The following ALKBH5 variants were observed in gnomAD, a reference collection of about 807,000 sequenced individuals.
The protein encoded by ALKBH5 is RNA demethylase ALKBH5.
In ALKBH5, 2 loss-of-function variants were observed where a neutral mutation model predicts 32.1. The observed-to-expected ratio is 0.06, with a 90% CI of 0.03 to 0.20. The LOEUF (loss-of-function observed/expected upper bound fraction) is 0.20, where lower values mean the gene tolerates loss of function less well. Among genes scored for constraint, ALKBH5 ranks in the 10% least tolerant of loss-of-function variants. The pLI is 1.00. For missense variants in ALKBH5, 352 were observed against 559.5 expected (o/e 0.63, Z 3.74); for synonymous variants, 300 against 231.7 (o/e 1.29, Z -2.68).
Position 18,195,042 on chromosome 17 carries a change from G to A in ALKBH5, c.851+7G>A. The A allele has an allele frequency of 6.2e-7, 1 of 1,612,220 alleles. No individual in the cohort carries two copies. Among genetic ancestry groups the A allele is most frequent in the Middle Eastern group, 1.8e-4 (1 of 5,462 alleles). ...CAGTCATCATCCTCAGGAAGTAAGT[G>A]CCTTGATGTCTGACCTTCTGCCTCA... On this transcript the variant is annotated splice_region_variant and intron_variant, in intron 2 of 3. Transcript: ENST00000399138.
At position 18,184,150 on chromosome 17, in the gene ALKBH5, C is replaced by T. The variant is rs1410400908; in HGVS notation, c.-94C>T. On this transcript the variant is annotated 5_prime_UTR_variant, in exon 1 of 4. Transcript: ENST00000399138. The stretch of plus-strand genomic sequence containing the variant: ...CATGGGGGTTCGGCGCTAAGGACCC[C>T]CCTCCCTCCGGGGGCCCCGGGGCGC... 9 of 1,161,770 alleles carry T rather than the reference C, an allele frequency of 7.7e-6. No homozygotes were observed. The highest frequency in any genetic ancestry group is 2.6e-5 in the Admixed American group (1 of 38,816). 72.0% of individuals were successfully genotyped at this position (1,161,770 alleles called of 1,614,324 possible). A position where few individuals can be genotyped will look rare whatever the true frequency, so the allele number is the denominator to read the frequency against.
chr17:18,202,851 G>A (rs2047249776), intron 2 of ALKBH5, among the ~76,000 whole-genome samples: 1 of 151,924 alleles, frequency 6.6e-6, no homozygotes, highest in Admixed American at 6.6e-5. Flanking sequence ...TGAGGCAGGC[G>A]GATCATGAGG....
At chr17:18,201,840 ATAGATAGATTGATTGATT>A (rs1567676773) in intron 2 of ALKBH5, among the ~76,000 whole-genome samples, 289 of 107,514 alleles carry the variant, frequency 2.7e-3, no homozygotes, top group Non-Finnish European at 2.9e-3. Flanking sequence ...TAGATAGATG[ATAGATAGATTGATTGATT>A]GATTTAAAAA....
chr17:18,195,887 C>T (rs776823976), intron 2 of ALKBH5, among the ~76,000 whole-genome samples: 1 of 152,218 alleles, frequency 6.6e-6, no homozygotes, highest in Non-Finnish European at 1.5e-5. Context: ...AAAACAAGCA[C>T]GTAAACTTAG....
chr17:18,186,648 G>A (rs994781558), intron 1 of ALKBH5, among the ~76,000 whole-genome samples: 1 of 152,168 alleles, frequency 6.6e-6, no homozygotes, highest in Non-Finnish European at 1.5e-5. Flanking sequence ...ATGCAGGTCT[G>A]TTAGTGATCA....
chr17:18,189,381 C>T (rs2047159992), intron 1 of ALKBH5, among the ~76,000 whole-genome samples: 1 of 152,164 alleles, frequency 6.6e-6, no homozygotes, highest in Admixed American at 6.5e-5. Context: ...CAGAGCAAGA[C>T]TCCGTCTCAA....
chr17:18,208,622 C>T lies in ALKBH5; in HGVS notation c.*226C>T, dbSNP rs1160510868. On this transcript the variant is annotated 3_prime_UTR_variant, in exon 4 of 4. Transcript: ENST00000399138. ...TTGGTATTCCTCCTGGATGGAAAGG[C>T]TGTTGGCATCAATAGGGGACAGAGG... is the stretch of plus-strand genomic sequence containing the variant. The T allele has an allele frequency of 3.1e-6, 2 of 647,738 alleles. No individual in the cohort carries two copies. The highest frequency in any genetic ancestry group is 5.5e-6 in the Non-Finnish European group (2 of 362,332). The allele number at this position is 647,738 out of a possible 1,614,324, so 40.1% of individuals were successfully genotyped here.
At chr17:18,200,182 C>A (rs2047228391) in intron 2 of ALKBH5, among the ~76,000 whole-genome samples, 1 of 151,396 alleles carries the variant, frequency 6.6e-6, no homozygotes, top group South Asian at 2.1e-4. Flanking sequence ...TAGATCTGGC[C>A]CCTGAGCTAG....
chr17:18,194,390 G>A (rs1053540273), intron 1 of ALKBH5, among the ~76,000 whole-genome samples: 3 of 152,188 alleles, frequency 2.0e-5, no homozygotes, highest in Admixed American at 6.5e-5. Flanking sequence ...CTGATTTCAG[G>A]TGATCCGCCC....
intron 1 of ALKBH5, among the ~76,000 whole-genome samples, chr17:18,191,981 G>A (rs1201589551): frequency 6.6e-6 from 1 of 150,544 alleles, no homozygotes; most frequent in Non-Finnish European, 1.5e-5. Context: ...TGAGACCTTT[G>A]ACAGCTCTTT....
intron 1 of ALKBH5, among the ~76,000 whole-genome samples, chr17:18,191,528 A>T (rs2047174968): frequency 6.6e-6 from 1 of 152,220 alleles, no homozygotes; most frequent in Non-Finnish European, 1.5e-5. Flanking sequence ...GATTTGCTCC[A>T]GAACTGCATT....
Position 18,184,181 on chromosome 17 carries a change from C to G in ALKBH5, c.-63C>G, listed in dbSNP as rs554438914. 1 of 1,408,084 alleles carries G rather than the reference C, an allele frequency of 7.1e-7. No individual in the cohort carries two copies. The highest frequency in any genetic ancestry group is 1.5e-5 in the African/African-American group (1 of 66,566). The allele number at this position is 1,408,084 out of a possible 1,614,324, so 87.2% of individuals were successfully genotyped here. On this transcript the variant is annotated 5_prime_UTR_variant, in exon 1 of 4. Coordinates refer to ENST00000399138, the MANE Select transcript of ALKBH5 (RefSeq NM_017758.4). The stretch of plus-strand genomic sequence containing the variant: ...CTCCGGGGGCCCCGGGGCGCGTCCC[C>G]TTAGAGCCATGCCCGGCTGCCCCGC...
At position 18,184,203 on chromosome 17, in the gene ALKBH5, C is replaced by T; in HGVS notation, c.-41C>T. ...CCCCTTAGAGCCATGCCCGGCTGCC[C>T]CGCCCGCCCCGGAGGACCCTAGAGC... On this transcript the variant is annotated 5_prime_UTR_variant, in exon 1 of 4. Coordinates refer to ENST00000399138, the MANE Select transcript of ALKBH5 (RefSeq NM_017758.4). The T allele has an allele frequency of 4.1e-6, 6 of 1,457,810 alleles. No individual in the cohort carries two copies. The highest frequency in any genetic ancestry group is 1.3e-5 in the South Asian group (1 of 74,370). 90.3% of individuals were successfully genotyped at this position (1,457,810 alleles called of 1,614,324 possible).
At chr17:18,193,428 T>C in intron 1 of ALKBH5, among the ~76,000 whole-genome samples, 1 of 151,746 alleles carries the variant, frequency 6.6e-6, no homozygotes, top group Non-Finnish European at 1.5e-5. Context: ...GCGCCTGTAG[T>C]CCCAGCTACT....
chr17:18,198,966 G>A (rs1480576996), intron 2 of ALKBH5, among the ~76,000 whole-genome samples: 1 of 152,210 alleles, frequency 6.6e-6, no homozygotes, highest in Non-Finnish European at 1.5e-5. Context: ...CTTGTGGTTC[G>A]TTGGTGGTTT....
chr17:18,194,820 A>T, intron 1 of ALKBH5, 135 bp from the exon 2 acceptor site: 1 of 653,400 alleles, frequency 1.5e-6, no homozygotes, highest in Non-Finnish European at 2.6e-6. Flanking sequence ...CCTTCCATGT[A>T]GATCCTTGAA....
chr17:18,188,296 C>A (rs1048098839), intron 1 of ALKBH5, among the ~76,000 whole-genome samples: 1 of 152,244 alleles, frequency 6.6e-6, no homozygotes, highest in Non-Finnish European at 1.5e-5. Flanking sequence ...ATCACTGCTA[C>A]GTGGTCTGTG....
intron 2 of ALKBH5, among the ~76,000 whole-genome samples, chr17:18,200,146 G>A (rs1483228001): frequency 2.0e-5 from 3 of 150,900 alleles, no homozygotes; most frequent in Admixed American, 6.6e-5. Flanking sequence ...CCAGCTTTGC[G>A]GGAGGAAGGG....
chr17:18,195,420 CT>C (rs1205824407), intron 2 of ALKBH5, among the ~76,000 whole-genome samples: 1 of 152,166 alleles, frequency 6.6e-6, no homozygotes, highest in Non-Finnish European at 1.5e-5. Flanking sequence ...TAGCAGCCTG[CT>C]TTAAAAATGC....
Sources: allele counts gnomAD v4.1 joint callset (sites outside exome capture counted in the v4.1 genomes callset), GRCh38; gene constraint gnomAD v4.1.1; transcripts MANE v1.5; gene names NCBI Gene and HGNC (gene_info 2026-07-23, HGNC 2026-07-21).